SDK2: variants seen among roughly 807,000 people sequenced by gnomAD.
SDK2 encodes protein sidekick-2.
In SDK2, 105 loss-of-function variants were observed where a neutral mutation model predicts 253.9. That is an observed-to-expected ratio of 0.41 (90% CI 0.35 to 0.49). The LOEUF (loss-of-function observed/expected upper bound fraction) is 0.49. Among genes scored for constraint, SDK2 ranks in the 20% least tolerant of loss-of-function variants. The pLI, the probability that SDK2 is intolerant of heterozygous loss-of-function variation, is 0.06. For synonymous variants in SDK2, 1,249 were observed against 1,234.9 expected (o/e 1.01, Z -0.24); for missense variants, 2,608 against 3,003.0 (o/e 0.87, Z 3.07).
At chr17:73,521,858 A>C (rs1273148283) in intron 1 of SDK2, among the ~76,000 whole-genome samples, 1 of 152,146 alleles carries the variant, frequency 6.6e-6, no homozygotes, top group East Asian at 1.9e-4. Flanking sequence ...AATGCCATAG[A>C]ACTGGAGAAA....
Position 73,395,874 on chromosome 17 carries a change from A to G in SDK2, c.3355-482T>C, listed in dbSNP as rs1247600431. ...TGCCAGTCAGGAAGTCCTTCTGTCC[A>G]GCAAACCTCAGCCTCTCCTGCTGCA... On this transcript the variant is annotated intron_variant, in intron 24 of 44. Transcript: ENST00000392650. The surrounding 1 kb of genome is among the most constrained non-coding windows in gnomAD (Gnocchi z 4.3). Among the ~76,000 whole-genome samples, 1 of 151,636 alleles carries G rather than the reference A, an allele frequency of 6.6e-6. No individual in the cohort carries two copies. Among genetic ancestry groups the G allele is most frequent in the African/African-American group, 2.4e-5 (1 of 41,268 alleles).
intron 22 of SDK2, among the ~76,000 whole-genome samples, chr17:73,398,864 C>T (rs970692070): frequency 4.6e-5 from 7 of 152,242 alleles, no homozygotes; most frequent in Middle Eastern, 6.8e-3. Context: ...CGCTTCTGAA[C>T]GCTCCCCTGA....
chr17:73,588,197 A>ACCCCCCCCCC (rs57740393), intron 1 of SDK2, among the ~76,000 whole-genome samples: 8 of 130,858 alleles, frequency 6.1e-5, no homozygotes, highest in African/African-American at 1.1e-4. Context: ...ACATGGAGAG[A>ACCCCCCCCCC]CCCCCCCCCC....
At chr17:73,547,739 T>C (rs771216872) in intron 1 of SDK2, among the ~76,000 whole-genome samples, 4 of 152,220 alleles carry the variant, frequency 2.6e-5, no homozygotes, top group Non-Finnish European at 2.9e-5. Context: ...CTGTGCTGGA[T>C]GCTTTTTAGA....
chr17:73,496,401 G>A lies in SDK2; in HGVS notation c.224+11037C>T, dbSNP rs1024526218. On this transcript the variant is annotated intron_variant, in intron 2 of 44. Transcript: ENST00000392650. This position sits in a 1 kb window ranked among gnomAD's most constrained non-coding sequence, Gnocchi z 4.7. ...GGCTGGATCTGGGAAGATAAACAAC[G>A]GTTTGCCAGGTAGCAGAGGCGTGCG... Among the ~76,000 whole-genome samples, 2 of 152,160 alleles carry A rather than the reference G, an allele frequency of 1.3e-5. No individual in the cohort carries two copies. The highest frequency in any genetic ancestry group is 6.5e-5 in the Admixed American group (1 of 15,276).
At position 73,624,819 on chromosome 17, in the gene SDK2, T is replaced by C. The variant is rs115653228; in HGVS notation, c.64+19206A>G. On this transcript the variant is annotated intron_variant, in intron 1 of 44. Coordinates refer to ENST00000392650, the MANE Select transcript of SDK2 (RefSeq NM_001144952.2). Reference sequence around the variant, plus strand: ...GCAACTATAATAAGGGTGGCCGTGGTGATGTTGTTACTAGGAGGAGTGGTT... The same window carrying C: ...GCAACTATAATAAGGGTGGCCGTGGCGATGTTGTTACTAGGAGGAGTGGTT... Among the ~76,000 whole-genome samples, 1,002 of 152,236 alleles carry C rather than the reference T, an allele frequency of 6.6e-3. 11 individuals carry two copies. Among genetic ancestry groups the C allele is most frequent in the African/African-American group, 0.023 (963 of 41,544 alleles).
Position 73,387,936 on chromosome 17 carries a change from C to T in SDK2, c.4294G>A (p.Val1432Met). ...WEPGSDGLSP[V>M]RYYTIQTREL... Reference sequence around the variant, plus strand: ...CGGGTCTGGATGGTGTAGTAGCGCACAGGGGAGAGCCCGTCGCTCCCTGGC... The same window carrying T: ...CGGGTCTGGATGGTGTAGTAGCGCATAGGGGAGAGCCCGTCGCTCCCTGGC... Residue 1432 changes from valine (V) to methionine (M), a missense_variant, in exon 30 of 45, where the codon GTG (valine) becomes ATG (methionine). Val to Met is a conservative substitution (Grantham distance 21, BLOSUM62 1). This residue lies in a region of SDK2 where 1,103 missense variants were observed against 1,143.9 expected (regional missense o/e 0.96). Coordinates refer to ENST00000392650, the MANE Select transcript of SDK2 (RefSeq NM_001144952.2). 1 of 1,583,924 alleles carries T rather than the reference C, an allele frequency of 6.3e-7. No homozygotes were observed. Among genetic ancestry groups the T allele is most frequent in the South Asian group, 1.2e-5 (1 of 86,512 alleles).
At position 73,614,288 on chromosome 17, in the gene SDK2, G is replaced by T. The variant is rs8078948; in HGVS notation, c.64+29737C>A. 2.3e-3 allele frequency among the ~76,000 whole-genome samples: 350 copies of T among 152,254 alleles called. 2 individuals are homozygous for T. Among genetic ancestry groups the T allele is most frequent in the Middle Eastern group, 0.014 (4 of 294 alleles). ...TCGCTTTACAGTTAAGTGCAGGAAG[G>T]GGTCTCGCTCTTCCAGAAAGCTTCT... On this transcript the variant is annotated intron_variant, in intron 1 of 44. Transcript: ENST00000392650.
At chr17:73,355,484 C>T (rs1036492154) in intron 40 of SDK2, among the ~76,000 whole-genome samples, 1 of 151,976 alleles carries the variant, frequency 6.6e-6, no homozygotes, top group East Asian at 2.0e-4. Context: ...ATTACAGGCA[C>T]ACGCCACCAA....
At chr17:73,543,705 C>T (rs567984010) in intron 1 of SDK2, among the ~76,000 whole-genome samples, 86 of 152,368 alleles carry the variant, frequency 5.6e-4, no homozygotes, top group Admixed American at 3.0e-3. Flanking sequence ...GCAGGCCAGC[C>T]TCCCACCCTC....
At chr17:73,486,922 T>C (rs1489263793) in intron 2 of SDK2, among the ~76,000 whole-genome samples, 2 of 152,110 alleles carry the variant, frequency 1.3e-5, no homozygotes, top group Non-Finnish European at 2.9e-5. Flanking sequence ...GGGCAGTAGC[T>C]TGACTTTGTT....
chr17:73,418,312 A>AT (rs766650279), intron 16 of SDK2, among the ~76,000 whole-genome samples: 3 of 152,108 alleles, frequency 2.0e-5, no homozygotes, highest in Non-Finnish European at 2.9e-5. Context: ...GGCCTGAAAG[A>AT]TTTTTTTAAA....
At chr17:73,429,280 G>C (rs1431937608) in intron 12 of SDK2, among the ~76,000 whole-genome samples, 2 of 152,088 alleles carry the variant, frequency 1.3e-5, no homozygotes, top group East Asian at 1.9e-4. Flanking sequence ...AATTTTTTAA[G>C]AAAAATCTAT....
At position 73,504,760 on chromosome 17, in the gene SDK2, G is replaced by A. The variant is rs117444539; in HGVS notation, c.224+2678C>T. Among the ~76,000 whole-genome samples, 1,159 of 152,150 alleles carry A rather than the reference G, an allele frequency of 7.6e-3. 10 individuals carry two copies. Among genetic ancestry groups the A allele is most frequent in the Non-Finnish European group, 0.012 (831 of 67,998 alleles). On this transcript the variant is annotated intron_variant, in intron 2 of 44. Coordinates refer to ENST00000392650, the MANE Select transcript of SDK2 (RefSeq NM_001144952.2). ...AAAAGGGGAAATATTCCCGTGGAGG[G>A]GATAGGACAGTTTGGACAAAGTCCG...
At position 73,383,944 on chromosome 17, in the gene SDK2, T is replaced by C. The variant is rs755128556; in HGVS notation, c.4637A>G (p.Tyr1546Cys). Reference sequence around the variant, plus strand: ...AAGCGTGAAGCCCCTCAGTCCTTCATAGAGCAGCTCCCGGTATCGGATCCG... The same window carrying C: ...AAGCGTGAAGCCCCTCAGTCCTTCACAGAGCAGCTCCCGGTATCGGATCCG... Reference protein sequence around the residue: ...GFRIRYRELLYEGLRGFTLRG... With the variant: ...GFRIRYRELLCEGLRGFTLRG... The change falls in exon 33 of 45, where the codon TAT becomes TGT. Residue 1546 changes from tyrosine (Y) to cysteine (C), a missense_variant. Tyr to Cys is a radical substitution (Grantham distance 194). Transcript: ENST00000392650. This position sits in a 1 kb window ranked among gnomAD's most constrained non-coding sequence, Gnocchi z 4.3. 5.6e-6 allele frequency: 9 copies of C among 1,613,880 alleles called. No individual in the cohort carries two copies. The highest frequency in any genetic ancestry group is 1.7e-5 in the Admixed American group (1 of 60,016).
chr17:73,506,113 C>A (rs929789397), intron 2 of SDK2, among the ~76,000 whole-genome samples: 2 of 152,260 alleles, frequency 1.3e-5, no homozygotes, highest in African/African-American at 4.8e-5. Context: ...GGTATGCCAT[C>A]CCATGCTCTT....
chr17:73,608,719 AG>A (rs778286425), intron 1 of SDK2, among the ~76,000 whole-genome samples: 7 of 152,172 alleles, frequency 4.6e-5, no homozygotes, highest in Non-Finnish European at 1.0e-4. Flanking sequence ...CTGGGATTAT[AG>A]GTGTGAGCCA....
intron 24 of SDK2, among the ~76,000 whole-genome samples, chr17:73,396,399 C>T (rs1425376170): frequency 6.6e-6 from 1 of 152,072 alleles, no homozygotes; most frequent in African/African-American, 2.4e-5. Context: ...GCCCTCACCT[C>T]CCCCAGTTCT....
At chr17:73,426,436 T>G (rs760507758) in intron 12 of SDK2, among the ~76,000 whole-genome samples, 1 of 152,026 alleles carries the variant, frequency 6.6e-6, no homozygotes, top group Non-Finnish European at 1.5e-5. Context: ...ATGTGATATT[T>G]CCACACCATG....
Sources: allele counts gnomAD v4.1 joint callset (sites outside exome capture counted in the v4.1 genomes callset), GRCh38; gene constraint gnomAD v4.1.1; regional missense constraint gnomAD v4.1.1; non-coding constraint Gnocchi (gnomAD v3.1); transcripts MANE v1.5; gene names NCBI Gene and HGNC (gene_info 2026-07-23, HGNC 2026-07-21).